Variants in TPD52L2 observed in about 807,000 individuals in gnomAD.
TPD52L2 encodes tumor protein D54.
TPD52L2 carries 19 observed loss-of-function variants against 24.7 expected under a neutral mutation model. That is an observed-to-expected ratio of 0.77 (90% CI 0.54 to 1.13). The LOEUF is 1.13. Ranked by LOEUF, TPD52L2 falls within the 50% of genes most tolerant of loss-of-function variation. The probability of loss-of-function intolerance (pLI) is 0.00; values close to 1 mark genes in which losing one functional copy is unlikely to be tolerated. For missense variants in TPD52L2, 236 were observed against 250.4 expected (o/e 0.94, Z 0.39); for synonymous variants, 104 against 100.2 (o/e 1.04, Z -0.23).
intron 3 of TPD52L2, among the ~76,000 whole-genome samples, chr20:63,874,771 A>G (rs578067648): frequency 7.2e-5 from 11 of 152,246 alleles, no homozygotes; most frequent in African/African-American, 2.6e-4. Flanking sequence ...GAGAGCACTG[A>G]TCAGGTCCTT....
At chr20:63,870,475 T>G (rs193203683) in intron 2 of TPD52L2, among the ~76,000 whole-genome samples, 1 of 150,584 alleles carries the variant, frequency 6.6e-6, no homozygotes, top group African/African-American at 2.4e-5. Flanking sequence ...GTTTAGAAAC[T>G]AAATCCACAA....
At chr20:63,874,790 C>G (rs1316284885) in intron 3 of TPD52L2, among the ~76,000 whole-genome samples, 1 of 152,192 alleles carries the variant, frequency 6.6e-6, no homozygotes, top group Admixed American at 6.5e-5. Context: ...TTGGCAAGAG[C>G]GGTTTTTCTG....
At chr20:63,875,639 G>A (rs1390697274) in intron 3 of TPD52L2, among the ~76,000 whole-genome samples, 177 bp from the exon 4 acceptor site, 1 of 152,224 alleles carries the variant, frequency 6.6e-6, no homozygotes, top group Non-Finnish European at 1.5e-5. Context: ...CTCACCTGGC[G>A]GCCTGGGGCC....
intron 4 of TPD52L2, chr20:63,876,893 G>A (rs1217040581): frequency 8.8e-6 from 4 of 455,542 alleles, no homozygotes; most frequent in Admixed American, 2.4e-5. Context: ...GGACCCGGGC[G>A]GTTCACGGCA....
chr20:63,875,842 G>T lies in TPD52L2; in HGVS notation c.341G>T (p.Gly114Val). 2 of 1,614,188 alleles carry T rather than the reference G, an allele frequency of 1.2e-6. No individual in the cohort carries two copies. The highest frequency in any genetic ancestry group is 1.7e-6 in the Non-Finnish European group (2 of 1,180,022). Residue 114 changes from glycine (G) to valine (V), a missense_variant, in exon 4 of 7, where the codon GGA (glycine) becomes GTA (valine). Coordinates refer to ENST00000346249, the MANE Select transcript of TPD52L2 (RefSeq NM_003288.4). ...TATGTGAAAACTTCTGAGAAACTTGGAGAGTGGAATGAGAAAGTGACCCAG... is the reference window on the plus strand; with the variant it reads ...TATGTGAAAACTTCTGAGAAACTTGTAGAGTGGAATGAGAAAGTGACCCAG... ...SAYVKTSEKL[G>V]EWNEKVTQSD...
rs377568531 is a variant in TPD52L2 at position 63,873,780 on chromosome 20, T to C, written c.278T>C (p.Leu93Pro). ...ACCCTGGGGGAGCTGAAACAGAACC[T>C]GTCCAGGAGCTGGCATGACGTGCAG... is the stretch of plus-strand genomic sequence containing the variant. ...LSTLGELKQN[L>P]SRSWHDVQVS... Residue 93 changes from leucine to proline, a missense_variant, in exon 3 of 7, where the codon CTG (leucine) becomes CCG (proline). Transcript: ENST00000346249. 16 of 1,588,840 alleles carry C rather than the reference T, an allele frequency of 1.0e-5. No individual in the cohort carries two copies. The African/African-American group carries it at 1.9e-4, about 19-fold the overall frequency.
chr20:63,886,596 G>A (rs573196069), intron 5 of TPD52L2, among the ~76,000 whole-genome samples: 43 of 151,958 alleles, frequency 2.8e-4, no homozygotes, highest in East Asian at 3.9e-4. Context: ...TGATCCGCCC[G>A]CCTCGGCCTC....
intron 2 of TPD52L2, 87 bp downstream of exon 2, chr20:63,869,528 G>A (rs1414200657): frequency 6.5e-7 from 1 of 1,549,618 alleles, no homozygotes; most frequent in Non-Finnish European, 8.8e-7. Context: ...GGCCACGCTC[G>A]GGAGGAATTG....
chr20:63,889,867 CAGAG>C lies in TPD52L2; in HGVS notation c.547_550del (p.Glu183ThrfsTer56). ...TCCTGTAGTCTAAGGTTGTGGGTGA[CAGAG>C]AGAACGGCAGTGACAACCTCCCTTC... On this transcript the variant is annotated frameshift_variant, in exon 7 of 7. Transcript: ENST00000346249. LOFTEE classifies it high-confidence loss of function. 1 of 1,614,132 alleles carries C rather than the reference CAGAG, an allele frequency of 6.2e-7. No individual in the cohort carries two copies. Among genetic ancestry groups the C allele is most frequent in the Non-Finnish European group, 8.5e-7 (1 of 1,179,998 alleles).
intron 3 of TPD52L2, among the ~76,000 whole-genome samples, chr20:63,875,521 C>T (rs1226981893): frequency 6.6e-6 from 1 of 152,192 alleles, no homozygotes. Context: ...TGGGCTGTGC[C>T]CTTCCAGTCC....
chr20:63,884,560 C>T (rs1235762847), intron 5 of TPD52L2, among the ~76,000 whole-genome samples: 1 of 152,210 alleles, frequency 6.6e-6, no homozygotes, highest in East Asian at 1.9e-4. Flanking sequence ...GCCTGTTTTT[C>T]TCTGGAAGCA....
chr20:63,869,296 A>G lies in TPD52L2; in HGVS notation c.20A>G (p.Asp7Gly), dbSNP rs2052373720. The change falls in exon 2 of 7, where the codon GAT becomes GGT. Residue 7 changes from aspartate (D) to glycine (G), a missense_variant and splice_region_variant. Transcript: ENST00000346249. MDSAGQ[D>G]INLNSPNKGL... The stretch of plus-strand genomic sequence containing the variant: ...TGTGGCCTCATTTTGTCTCTGGCAG[A>G]TATCAACCTGAATTCTCCTAACAAA... 1.2e-6 allele frequency: 2 copies of G among 1,613,976 alleles called. No homozygotes were observed. Among genetic ancestry groups the G allele is most frequent in the African/African-American group, 2.7e-5 (2 of 74,904 alleles).
intron 4 of TPD52L2, among the ~76,000 whole-genome samples, chr20:63,876,459 G>T (rs2052680015): frequency 6.6e-6 from 1 of 152,166 alleles, no homozygotes; most frequent in South Asian, 2.1e-4. Context: ...TGTGTCAGTG[G>T]TGTTGTTCAG....
At position 63,889,247 on chromosome 20, in the gene TPD52L2, A is replaced by G. The variant is rs1294176964; in HGVS notation, c.525+9A>G. On this transcript the variant is annotated intron_variant, in intron 6 of 6. Coordinates refer to ENST00000346249, the MANE Select transcript of TPD52L2 (RefSeq NM_003288.4). ...GAGTTGGGACCATAAAGGTAATTGT[A>G]CCTGGACTGTTTGATGGTCTTGGCA... 1 of 1,611,378 alleles carries G rather than the reference A, an allele frequency of 6.2e-7. No individual in the cohort carries two copies. The highest frequency in any genetic ancestry group is 1.7e-5 in the Admixed American group (1 of 59,878).
rs559334985 is a variant in TPD52L2, at chr20:63,874,293, G to A, written c.314+477G>A. On this transcript the variant is annotated intron_variant, in intron 3 of 6. Transcript: ENST00000346249. Reference sequence around the variant, plus strand: ...GATGGGGTTTCACCATGTTGGCCAGGCTGGTCTTGAACTCCTGACCTTGTG... The same window carrying A: ...GATGGGGTTTCACCATGTTGGCCAGACTGGTCTTGAACTCCTGACCTTGTG... 1.4e-3 allele frequency among the ~76,000 whole-genome samples: 215 copies of A among 150,544 alleles called. 2 individuals carry two copies. The highest frequency in any genetic ancestry group is 3.4e-4 in the Non-Finnish European group (23 of 67,710).
intron 1 of TPD52L2, among the ~76,000 whole-genome samples, chr20:63,866,561 CT>C (rs371731019): frequency 2.7e-4 from 41 of 151,756 alleles, no homozygotes; most frequent in African/African-American, 9.7e-4. Flanking sequence ...CCCGGGTTCA[CT>C]GCCATTCTCC....
In TPD52L2 at chr20:63,890,490, G is replaced by A. The variant is rs567080039; in HGVS notation, c.*545G>A. 132 of 155,552 alleles carry A rather than the reference G, an allele frequency of 8.5e-4. No individual in the cohort carries two copies. Among genetic ancestry groups the A allele is most frequent in the African/African-American group, 2.1e-3 (86 of 41,644 alleles). The allele number at this position is 155,552 out of a possible 1,614,324, so 9.6% of individuals were successfully genotyped here. On this transcript the variant is annotated 3_prime_UTR_variant, in exon 7 of 7. Transcript: ENST00000346249. ...CCCTCAGCAGCTGCCTGATTGTTACGCGAATCTAGCTTTAACGGAAGCAAA... is the reference window on the plus strand; with the variant it reads ...CCCTCAGCAGCTGCCTGATTGTTACACGAATCTAGCTTTAACGGAAGCAAA...
rs1369355963 is a variant in TPD52L2 at position 63,877,939 on chromosome 20, AG to A, written c.374+2067del. ...GTTTCTGGTGGGAAGGCCCAGGCCG[AG>A]GGCGATGGTTTCTGCCGGGACGGCC... is the stretch of plus-strand genomic sequence containing the variant. On this transcript the variant is annotated intron_variant, in intron 4 of 6. Coordinates refer to ENST00000346249, the MANE Select transcript of TPD52L2 (RefSeq NM_003288.4). This position sits in a 1 kb window ranked among gnomAD's most constrained non-coding sequence, Gnocchi z 4.1. 3.9e-5 allele frequency among the ~76,000 whole-genome samples: 6 copies of A among 152,232 alleles called. No homozygotes were observed. The highest frequency in any genetic ancestry group is 1.2e-4 in the African/African-American group (5 of 41,462).
intron 1 of TPD52L2, 88 bp from the exon 2 acceptor site, chr20:63,869,208 C>G: frequency 6.6e-7 from 1 of 1,505,104 alleles, no homozygotes; most frequent in African/African-American, 1.4e-5. Context: ...CCACTCCCAC[C>G]TGTGCTTTTG....
Sources: allele counts gnomAD v4.1 joint callset (sites outside exome capture counted in the v4.1 genomes callset), GRCh38; gene constraint gnomAD v4.1.1; non-coding constraint Gnocchi (gnomAD v3.1); transcripts MANE v1.5; gene names NCBI Gene and HGNC (gene_info 2026-07-23, HGNC 2026-07-21).